NAALADL2: variants seen among roughly 807,000 people sequenced by gnomAD.
The protein encoded by NAALADL2 is N-acetylated alpha-linked acidic dipeptidase like 2.
Under a neutral mutation model 87.2 loss-of-function variants are expected in NAALADL2, and 76 were observed. That is an observed-to-expected ratio of 0.87 (90% CI 0.72 to 1.05). The LOEUF is 1.05. Among genes scored for constraint, NAALADL2 ranks in the 50% least tolerant of loss-of-function variants. The probability of loss-of-function intolerance (pLI) is 0.00; values close to 1 mark genes in which losing one functional copy is unlikely to be tolerated. For missense variants in NAALADL2, 1,089 were observed against 945.8 expected (o/e 1.15, Z -1.99); for synonymous variants, 354 against 331.0 (o/e 1.07, Z -0.75).
intron 12 of NAALADL2, among the ~76,000 whole-genome samples, chr3:175,746,252 C>G (rs865781329): frequency 6.7e-6 from 1 of 149,668 alleles, no homozygotes; most frequent in Admixed American, 6.7e-5. Context: ...GATGATCACA[C>G]TAAAGCAAGC....
chr3:175,283,918 A>T (rs930030219), intron 4 of NAALADL2, among the ~76,000 whole-genome samples: 3 of 152,096 alleles, frequency 2.0e-5, no homozygotes, highest in African/African-American at 7.2e-5. Flanking sequence ...TGTCTCAAGG[A>T]AACCCATTAA....
At chr3:174,840,678 A>G (rs942419863) in intron 3 of NAALADL2, among the ~76,000 whole-genome samples, 7 of 152,122 alleles carry the variant, frequency 4.6e-5, no homozygotes, top group Non-Finnish European at 1.5e-5. Flanking sequence ...GTATCTCCCC[A>G]TTCAGCCTCT....
In NAALADL2 at chr3:175,072,824, A is replaced by T. The variant is rs530208947; in HGVS notation, c.44-23966A>T. ...TGCACATTGTGCACATGTACCCTAA[A>T]ACTTAAAGTATAGCAATAAAAGAAA... On this transcript the variant is annotated intron_variant, in intron 1 of 13. Transcript: ENST00000454872. Among the ~76,000 whole-genome samples the T allele has an allele frequency of 4.1e-3, 619 of 151,998 alleles. 9 individuals are homozygous for T. The highest frequency in any genetic ancestry group is 0.014 in the African/African-American group (594 of 41,504).
At chr3:175,143,166 A>G (rs902010822) in intron 2 of NAALADL2, among the ~76,000 whole-genome samples, 3 of 151,966 alleles carry the variant, frequency 2.0e-5, no homozygotes, top group Admixed American at 1.3e-4. Context: ...CAAGAACTGA[A>G]TAATTATGCA....
chr3:175,594,361 G>A (rs1301324070), intron 10 of NAALADL2, among the ~76,000 whole-genome samples: 1 of 152,040 alleles, frequency 6.6e-6, no homozygotes, highest in African/African-American at 2.4e-5. Flanking sequence ...GTATTCCATT[G>A]TATATATATA....
intron 1 of NAALADL2, among the ~76,000 whole-genome samples, chr3:174,929,610 CTGTT>C (rs764154289): frequency 1.9e-4 from 29 of 152,184 alleles, no homozygotes; most frequent in South Asian, 4.1e-4. Flanking sequence ...TTTTTGCTAT[CTGTT>C]TGATTGAGAA....
At chr3:175,186,884 T>C (rs553600985) in intron 2 of NAALADL2, among the ~76,000 whole-genome samples, 29 of 152,186 alleles carry the variant, frequency 1.9e-4, no homozygotes, top group African/African-American at 6.0e-4. Context: ...CTGGTAGTTT[T>C]ATTTCATGCA....
chr3:174,545,930 T>G (rs1722691858), intron 1 of NAALADL2, among the ~76,000 whole-genome samples: 1 of 151,190 alleles, frequency 6.6e-6, no homozygotes, highest in Non-Finnish European at 1.5e-5. Flanking sequence ...ATTTTATATA[T>G]TTATATTTTG....
chr3:174,450,147 CCA>C (rs1166572271), intron 1 of NAALADL2, among the ~76,000 whole-genome samples: 1 of 152,050 alleles, frequency 6.6e-6, no homozygotes, highest in Non-Finnish European at 1.5e-5. Context: ...TTTGATCCCA[CCA>C]CTTGAAAAAA....
intron 2 of NAALADL2, among the ~76,000 whole-genome samples, chr3:174,671,649 G>A (rs903464206): frequency 6.6e-6 from 1 of 152,064 alleles, no homozygotes; most frequent in Non-Finnish European, 1.5e-5. Flanking sequence ...TTGAATATGA[G>A]TAAACAGATT....
intron 1 of NAALADL2, among the ~76,000 whole-genome samples, chr3:174,875,632 C>T (rs922578632): frequency 6.6e-6 from 1 of 151,710 alleles, no homozygotes; most frequent in Non-Finnish European, 1.5e-5. Context: ...TGCTTTTCTC[C>T]AGAGAAACAG....
chr3:174,757,008 C>A (rs1462513681), intron 3 of NAALADL2, among the ~76,000 whole-genome samples: 1 of 152,114 alleles, frequency 6.6e-6, no homozygotes, highest in Non-Finnish European at 1.5e-5. Flanking sequence ...GTAATGCCTG[C>A]AGTTTATTTC....
chr3:175,632,446 A>G (rs1330786619), intron 11 of NAALADL2, among the ~76,000 whole-genome samples: 2 of 152,006 alleles, frequency 1.3e-5, no homozygotes, highest in East Asian at 3.9e-4. Flanking sequence ...GAAGAATTTA[A>G]GGAATTTCAA....
At position 174,859,942 on chromosome 3, in the gene NAALADL2, C is replaced by T. The variant is rs73881538; in HGVS notation, c.43+492C>T. Among the ~76,000 whole-genome samples the T allele has an allele frequency of 5.9e-3, 891 of 152,074 alleles. 10 individuals are homozygous for T. Among genetic ancestry groups the T allele is most frequent in the African/African-American group, 0.02 (849 of 41,508 alleles). ...AAGGTAGAAAACAGGGGAACATGGG[C>T]GAGCCTATCAGTTAGGAGGCTGTGA... On this transcript the variant is annotated intron_variant, in intron 1 of 13. Transcript: ENST00000454872.
At chr3:174,692,013 C>G (rs978663468) in intron 2 of NAALADL2, 7 of 152,294 alleles carry the variant, frequency 4.6e-5, no homozygotes, top group Middle Eastern at 3.4e-3. Flanking sequence ...CCAAGTCATC[C>G]TTGAGGGTTG....
chr3:175,517,921 G>A (rs1732109546), intron 9 of NAALADL2, among the ~76,000 whole-genome samples: 1 of 152,094 alleles, frequency 6.6e-6, no homozygotes, highest in Non-Finnish European at 1.5e-5. Context: ...ATAATGCGTG[G>A]GGAAGGCTGG....
intron 2 of NAALADL2, among the ~76,000 whole-genome samples, chr3:174,561,229 C>A: frequency 7.2e-6 from 1 of 139,162 alleles, no homozygotes; most frequent in African/African-American, 2.7e-5. Flanking sequence ...TGGAAAGAGT[C>A]TCGCTCTGTC....
chr3:175,125,517 G>A (rs1464758204), intron 2 of NAALADL2, among the ~76,000 whole-genome samples: 1 of 152,002 alleles, frequency 6.6e-6, no homozygotes, highest in Non-Finnish European at 1.5e-5. Flanking sequence ...GATCCTTTAT[G>A]TGTTTTGAAG....
chr3:174,924,435 C>G (rs1306980521), intron 1 of NAALADL2, among the ~76,000 whole-genome samples: 1 of 151,954 alleles, frequency 6.6e-6, no homozygotes, highest in Non-Finnish European at 1.5e-5. Flanking sequence ...TGTATATGTG[C>G]CACATTTTCT....
Sources: allele counts gnomAD v4.1 joint callset (sites outside exome capture counted in the v4.1 genomes callset), GRCh38; gene constraint gnomAD v4.1.1; transcripts MANE v1.5; gene names NCBI Gene and HGNC (gene_info 2026-07-23, HGNC 2026-07-21).